The following KLF12 variants were observed in gnomAD, a reference collection of about 807,000 sequenced individuals.
KLF12 encodes KLF transcription factor 12.
Under a neutral mutation model 37.8 loss-of-function variants are expected in KLF12, and 9 were observed. That is an observed-to-expected ratio of 0.24 (90% CI 0.14 to 0.42). The LOEUF (loss-of-function observed/expected upper bound fraction) is 0.42, where lower values mean the gene tolerates loss of function less well. Among genes scored for constraint, KLF12 ranks in the 10% least tolerant of loss-of-function variants. KLF12 has a pLI of 1.00. For missense variants in KLF12, 411 were observed against 516.0 expected, an observed-to-expected ratio of 0.80 and a Z score of 1.97; for synonymous variants, 208 against 202.1, an observed-to-expected ratio of 1.03 and a Z score of -0.25.
At chr13:73,872,241 T>C (rs1886507236) in intron 3 of KLF12, among the ~76,000 whole-genome samples, 1 of 152,218 alleles carries the variant, frequency 6.6e-6, no homozygotes, top group African/African-American at 2.4e-5. Flanking sequence ...TCTACACACC[T>C]ACATGTCAGC....
intron 1 of KLF12, among the ~76,000 whole-genome samples, chr13:73,996,598 T>C (rs1158391396): frequency 6.6e-6 from 1 of 152,256 alleles, no homozygotes; most frequent in Non-Finnish European, 1.5e-5. Flanking sequence ...GAATATATCA[T>C]TATTTACTTC....
chr13:74,131,878 C>G (rs910513899), intron 1 of KLF12, among the ~76,000 whole-genome samples: 3 of 152,006 alleles, frequency 2.0e-5, no homozygotes, highest in African/African-American at 7.3e-5. Context: ...TCAAATTGCT[C>G]TTTCCCCAAC....
chr13:74,075,865 T>C (rs1874530743), intron 1 of KLF12, among the ~76,000 whole-genome samples: 1 of 152,172 alleles, frequency 6.6e-6, no homozygotes, highest in Non-Finnish European at 1.5e-5. Context: ...AGAAAGTGTC[T>C]CTAAATGGCT....
intron 1 of KLF12, among the ~76,000 whole-genome samples, chr13:74,049,623 C>T (rs1387931034): frequency 6.6e-6 from 1 of 152,072 alleles, no homozygotes; most frequent in African/African-American, 2.4e-5. Context: ...GACAAAAAGA[C>T]AATGATGATG....
intron 5 of KLF12, among the ~76,000 whole-genome samples, chr13:73,802,426 A>AAAAAG (rs1882329649): frequency 1.3e-5 from 2 of 152,168 alleles, no homozygotes; most frequent in African/African-American, 4.8e-5. Flanking sequence ...GATGTTCTTC[A>AAAAAG]AAAAATCACC....
rs1881990009 is a variant in KLF12 at position 73,796,617 on chromosome 13, T to G, written c.806+16535A>C. ...CCTCCCAAACTGGGTCCTTGATATCTGTTCCTGTGAATTGAACAAATCTTA... is the reference window on the plus strand; with the variant it reads ...CCTCCCAAACTGGGTCCTTGATATCGGTTCCTGTGAATTGAACAAATCTTA... On this transcript the variant is annotated intron_variant, in intron 5 of 7. Coordinates refer to ENST00000377669, the MANE Select transcript of KLF12 (RefSeq NM_007249.5). Among the ~76,000 whole-genome samples, 3 of 152,048 alleles carry G rather than the reference T, an allele frequency of 2.0e-5. 1 individual carries two copies. In the South Asian group the frequency reaches 6.2e-4, roughly 32 times the overall value.
chr13:74,089,211 A>G (rs1875500583), intron 1 of KLF12, among the ~76,000 whole-genome samples: 2 of 152,202 alleles, frequency 1.3e-5, no homozygotes, highest in East Asian at 3.8e-4. Context: ...AGTCAAGGAA[A>G]ACTTCCACCC....
the KLF12 span, among the ~76,000 whole-genome samples, chr13:74,159,178 GA>G: frequency 6.6e-6 from 1 of 152,158 alleles, no homozygotes; most frequent in Non-Finnish European, 1.5e-5. Context: ...AAGTTCACTG[GA>G]GATCCCTGTG....
intron 5 of KLF12, among the ~76,000 whole-genome samples, chr13:73,803,880 T>C (rs1014411966): frequency 2.0e-5 from 3 of 152,188 alleles, no homozygotes; most frequent in East Asian, 1.9e-4. Flanking sequence ...ACACTAGTCA[T>C]ATCCATGATG....
intron 3 of KLF12, among the ~76,000 whole-genome samples, chr13:73,868,977 G>A (rs1215967038): frequency 6.6e-6 from 1 of 152,094 alleles, no homozygotes; most frequent in Non-Finnish European, 1.5e-5. Context: ...CATTACTCTT[G>A]AAAATGGGTA....
intron 5 of KLF12, among the ~76,000 whole-genome samples, chr13:73,783,380 T>C (rs2138208971): frequency 6.6e-6 from 1 of 152,122 alleles, no homozygotes; most frequent in Non-Finnish European, 1.5e-5. Flanking sequence ...CAAACAAACA[T>C]AAACTAAATA....
intron 1 of KLF12, among the ~76,000 whole-genome samples, chr13:74,032,526 T>C (rs1893140669): frequency 6.6e-6 from 1 of 152,146 alleles, no homozygotes; most frequent in Non-Finnish European, 1.5e-5. Context: ...CGTGTTCTAC[T>C]TTCAGTCACT....
chr13:73,735,010 G>A (rs1473861067), intron 6 of KLF12, among the ~76,000 whole-genome samples: 3 of 151,856 alleles, frequency 2.0e-5, no homozygotes, highest in Non-Finnish European at 4.4e-5. Flanking sequence ...CATGCTGGCT[G>A]GGCATAGTGA....
At chr13:74,146,611 T>C in the KLF12 span, among the ~76,000 whole-genome samples, 1 of 152,236 alleles carries the variant, frequency 6.6e-6, no homozygotes, top group African/African-American at 2.4e-5. Flanking sequence ...TTTCCTTTGC[T>C]ACACTATTAG....
chr13:73,907,027 A>AG (rs1888334933), intron 3 of KLF12, among the ~76,000 whole-genome samples: 1 of 152,172 alleles, frequency 6.6e-6, no homozygotes, highest in Non-Finnish European at 1.5e-5. Context: ...TATTTTGGTA[A>AG]GGGGGACAGT....
chr13:74,153,608 C>T, the KLF12 span, among the ~76,000 whole-genome samples: 2 of 152,176 alleles, frequency 1.3e-5, no homozygotes, highest in Admixed American at 6.5e-5. Context: ...CCACACTACA[C>T]TCATATTAAG....
At chr13:73,922,517 T>C (rs986036461) in intron 3 of KLF12, among the ~76,000 whole-genome samples, 2 of 152,182 alleles carry the variant, frequency 1.3e-5, no homozygotes, top group African/African-American at 4.8e-5. Context: ...ATACAATTTG[T>C]TTATTAATTT....
intron 1 of KLF12, among the ~76,000 whole-genome samples, chr13:74,068,868 A>G (rs953465761): frequency 3.9e-5 from 6 of 152,200 alleles, no homozygotes; most frequent in Middle Eastern, 6.8e-3. Flanking sequence ...ATTTGAATAA[A>G]ATAATGAAGG....
chr13:73,827,513 C>T (rs907303524), intron 4 of KLF12, among the ~76,000 whole-genome samples: 1 of 152,184 alleles, frequency 6.6e-6, no homozygotes, highest in African/African-American at 2.4e-5. Context: ...CCAAAGAACA[C>T]TCCCACCTTC....
Sources: gnomAD v4.1 joint callset for allele counts (sites outside exome capture counted in the v4.1 genomes callset) on GRCh38, gnomAD v4.1.1 for gene constraint, MANE v1.5 for transcripts, NCBI Gene and HGNC (gene_info 2026-07-23, HGNC 2026-07-21) for gene names.